Variants in NCOR2 observed in about 807,000 individuals in gnomAD.
NCOR2 encodes the protein nuclear receptor corepressor 2, also known as CTG repeat protein 26.
Under a neutral mutation model 262.9 loss-of-function variants are expected in NCOR2, and 81 were observed. The observed-to-expected ratio is 0.31, with a 90% CI of 0.26 to 0.37. NCOR2 has a LOEUF of 0.37. NCOR2 is among the 10% of genes least tolerant of loss of function. NCOR2 has a pLI of 1.00. For missense variants in NCOR2, 3,385 were observed against 3,621.4 expected (o/e 0.93, Z 1.68); for synonymous variants, 1,659 against 1,559.3 (o/e 1.06, Z -1.51).
chr12:124,557,208 T>C (rs1391365698), intron 1 of NCOR2, among the ~76,000 whole-genome samples: 1 of 152,218 alleles, frequency 6.6e-6, no homozygotes, highest in Non-Finnish European at 1.5e-5. Context: ...GAGCCAGCTG[T>C]GATGGGAGCT....
At chr12:124,340,475 C>T in intron 35 of NCOR2, 32 bp from the exon 38 acceptor site, 1 of 1,602,506 alleles carries the variant, frequency 6.2e-7, no homozygotes, top group Non-Finnish European at 8.5e-7. Context: ...GACTCAGCCC[C>T]AGGGCCGAAG....
intron 20 of NCOR2, among the ~76,000 whole-genome samples, chr12:124,371,453 A>G (rs936216044): frequency 6.6e-6 from 1 of 152,258 alleles, no homozygotes; most frequent in Admixed American, 6.5e-5. Context: ...AGATTAGGAC[A>G]GCTGCCCATC....
Position 124,457,504 on chromosome 12 carries a change from T to C in NCOR2, c.706-342A>G, listed in dbSNP as rs1323097547. Among the ~76,000 whole-genome samples the C allele has an allele frequency of 3.9e-5, 6 of 152,106 alleles. No individual in the cohort carries two copies. Among genetic ancestry groups the C allele is most frequent in the African/African-American group, 9.6e-5 (4 of 41,504 alleles). On this transcript the variant is annotated intron_variant, in intron 5 of 46. Transcript: ENST00000405201. The surrounding 1 kb of genome is among the most constrained non-coding windows in gnomAD (Gnocchi z 4.0). ...CGCTCCCCACCAGCCCAGCCGACACTGCCAGCCCTGAGATGCCTTCCCTCA... is the reference window on the plus strand; with the variant it reads ...CGCTCCCCACCAGCCCAGCCGACACCGCCAGCCCTGAGATGCCTTCCCTCA...
intron 11 of NCOR2, among the ~76,000 whole-genome samples, chr12:124,425,232 G>A (rs936932922): frequency 1.8e-4 from 28 of 152,050 alleles, no homozygotes; most frequent in African/African-American, 6.8e-4. Flanking sequence ...AAATTAGCCA[G>A]GCATGGTGGT....
intron 18 of NCOR2, among the ~76,000 whole-genome samples, chr12:124,374,950 C>A (rs534277655): frequency 6.6e-6 from 1 of 152,234 alleles, no homozygotes. Context: ...TCCCTTCAGG[C>A]CCCAGAGCAG....
intron 45 of NCOR2, 109 bp from the exon 48 acceptor site, chr12:124,326,479 A>G: frequency 9.1e-7 from 1 of 1,104,834 alleles, no homozygotes; most frequent in Non-Finnish European, 1.2e-6. Flanking sequence ...CCCTCCAAAG[A>G]GGGAGGGAGA....
At chr12:124,511,345 G>A (rs537506029) in intron 1 of NCOR2, among the ~76,000 whole-genome samples, 4 of 152,324 alleles carry the variant, frequency 2.6e-5, no homozygotes, top group South Asian at 2.1e-4. Context: ...CCCCCGTGGC[G>A]AGACTGTAAG....
chr12:124,388,176 T>C (rs1021153800), intron 16 of NCOR2, among the ~76,000 whole-genome samples: 19 of 152,146 alleles, frequency 1.2e-4, no homozygotes, highest in African/African-American at 4.3e-4. Context: ...CAGAGCTCGC[T>C]AGCAGTCTTG....
At chr12:124,397,222 C>G (rs759505472) in intron 16 of NCOR2, among the ~76,000 whole-genome samples, 9 of 152,336 alleles carry the variant, frequency 5.9e-5, no homozygotes, top group Non-Finnish European at 1.2e-4. Flanking sequence ...TCCGACAGCC[C>G]CTGCCCCAGG....
At position 124,396,440 on chromosome 12, in the gene NCOR2, C is replaced by T. The variant is rs139410076; in HGVS notation, c.1876+1679G>A. ...ATAATGAAATACATGCCAGAAACCA[C>T]CAAGTGGACATTAAAGACAGAGAAA... On this transcript the variant is annotated intron_variant, in intron 16 of 46. Coordinates refer to ENST00000405201, the Ensembl canonical transcript of NCOR2. Among the ~76,000 whole-genome samples the T allele has an allele frequency of 5.9e-4, 90 of 152,300 alleles. No individual in the cohort carries two copies. The East Asian group carries it at 0.016, about 28-fold the overall frequency.
rs1466811884 is a variant in NCOR2, at chr12:124,443,420, G to A, written c.816-5424C>T. ...TCTGCAAACACATGTCAAGTCCGCA[G>A]GGTGCAAACTGCACAGTGCACAGGC... On this transcript the variant is annotated intron_variant, in intron 7 of 46. Transcript: ENST00000405201. This position sits in a 1 kb window ranked among gnomAD's most constrained non-coding sequence, Gnocchi z 4.4. Among the ~76,000 whole-genome samples the A allele has an allele frequency of 6.6e-6, 1 of 152,238 alleles. No homozygotes were observed. Among genetic ancestry groups the A allele is most frequent in the Non-Finnish European group, 1.5e-5 (1 of 68,040 alleles).
At chr12:124,363,195 G>T (rs1278896895) in intron 21 of NCOR2, among the ~76,000 whole-genome samples, 1 of 152,232 alleles carries the variant, frequency 6.6e-6, no homozygotes, top group East Asian at 1.9e-4. Flanking sequence ...GTCAGCTCAG[G>T]GTCTTTTAGC....
At chr12:124,397,649 C>T (rs759556440) in intron 16 of NCOR2, among the ~76,000 whole-genome samples, 3 of 152,224 alleles carry the variant, frequency 2.0e-5, no homozygotes, top group Non-Finnish European at 4.4e-5. Context: ...AGCCCCAGCA[C>T]ACTTGAGCCC....
rs2035730847 is a variant in NCOR2, at chr12:124,334,794, G to A, written c.6412-177C>T. 15 of 595,850 alleles carry A rather than the reference G, an allele frequency of 2.5e-5. No individual in the cohort carries two copies. The East Asian group carries it at 4.2e-4, about 17-fold the overall frequency. The allele number at this position is 595,850 out of a possible 1,614,324, so 36.9% of individuals were successfully genotyped here. On this transcript the variant is annotated intron_variant, in intron 40 of 46. Coordinates refer to ENST00000405201, the Ensembl canonical transcript of NCOR2. ...CCGTGTCCCAGTGTGCATGGGAGTG[G>A]GGCTGTGGTCAGCGGTCCCAAGCTG...
chr12:124,449,209 A>G (rs978443882), intron 7 of NCOR2, among the ~76,000 whole-genome samples: 2 of 152,138 alleles, frequency 1.3e-5, no homozygotes, highest in African/African-American at 4.8e-5. Context: ...GCCTCACCCA[A>G]TGGCAGTGGC....
At chr12:124,425,008 C>T (rs896164540) in intron 11 of NCOR2, among the ~76,000 whole-genome samples, 2 of 152,248 alleles carry the variant, frequency 1.3e-5, no homozygotes, top group Non-Finnish European at 2.9e-5. Context: ...GCTTGTCCAA[C>T]CCACAGGCCA....
chr12:124,520,800 C>T (rs1354187547), intron 1 of NCOR2, among the ~76,000 whole-genome samples: 1 of 152,180 alleles, frequency 6.6e-6, no homozygotes, highest in Admixed American at 6.5e-5. Flanking sequence ...CTCCATACTT[C>T]GAAAAAGCAT....
At chr12:124,392,351 C>T (rs548809517) in intron 16 of NCOR2, among the ~76,000 whole-genome samples, 14 of 152,212 alleles carry the variant, frequency 9.2e-5, no homozygotes, top group African/African-American at 2.4e-4. Context: ...CAGACTGTTT[C>T]TCACATATCC....
intron 3 of NCOR2, among the ~76,000 whole-genome samples, chr12:124,479,364 CACACTCACGCACACACACAA>C (rs1229480303): frequency 6.6e-6 from 1 of 151,886 alleles, no homozygotes; most frequent in Admixed American, 6.5e-5. Flanking sequence ...GCAACACATG[CACACTCACGCACACACACAA>C]ACACGCATGG....
Sources: allele counts gnomAD v4.1 joint callset (sites outside exome capture counted in the v4.1 genomes callset), GRCh38; gene constraint gnomAD v4.1.1; non-coding constraint Gnocchi (gnomAD v3.1); transcripts MANE v1.5; gene names NCBI Gene and HGNC (gene_info 2026-07-23, HGNC 2026-07-21).